ATOH8: variants seen among roughly 807,000 people sequenced by gnomAD.
ATOH8 encodes atonal bHLH transcription factor 8.
A neutral mutation model predicts 21.2 loss-of-function variants in ATOH8; 9 were observed. The observed-to-expected ratio is 0.42, with a 90% confidence interval of 0.26 to 0.74. The LOEUF is 0.74. Ranked by LOEUF, ATOH8 falls within the 30% of genes least tolerant of loss-of-function variation. ATOH8 has a pLI of 0.24. For missense variants in ATOH8, 524 were observed against 470.9 expected (o/e 1.11, Z -1.04); for synonymous variants, 253 against 224.0 (o/e 1.13, Z -1.16).
intron 2 of ATOH8, among the ~76,000 whole-genome samples, chr2:85,769,744 A>G (rs985350864): frequency 2.0e-5 from 3 of 152,136 alleles, no homozygotes; most frequent in Non-Finnish European, 2.9e-5. Context: ...GGCCTCGGAC[A>G]GGATCCCTGG....
chr2:85,763,945 T>A (rs766931280), intron 1 of ATOH8, 46 bp from the exon 2 acceptor site: 1 of 1,585,206 alleles, frequency 6.3e-7, no homozygotes, highest in African/African-American at 1.3e-5. Context: ...CCTGCCAGGC[T>A]GGGCACTGCG....
intron 2 of ATOH8, among the ~76,000 whole-genome samples, chr2:85,767,911 G>T (rs1680066947): frequency 6.6e-6 from 1 of 152,190 alleles, no homozygotes; most frequent in African/African-American, 2.4e-5. Flanking sequence ...CTTCCATCCA[G>T]ACCTGCTTTG....
Position 85,754,455 on chromosome 2 carries a change from G to T in ATOH8, c.266G>T (p.Gly89Val), listed in dbSNP as rs781504178. 1.3e-6 allele frequency: 2 copies of T among 1,503,246 alleles called. No individual in the cohort carries two copies. Among genetic ancestry groups the T allele is most frequent in the African/African-American group, 1.5e-5 (1 of 68,270 alleles). 93.1% of individuals were successfully genotyped at this position (1,503,246 alleles called of 1,614,324 possible). The change falls in exon 1 of 3, where the codon GGC (glycine) becomes GTC (valine). Residue 89 changes from glycine (G) to valine (V), a missense_variant. Transcript: ENST00000306279. ...PVAPAVPPRG[G>V]TDTAGERGGS... ...GCGCCGGCCGTTCCCCCAAGAGGGGGCACGGACACAGCCGGGGAGCGCGGG... is the reference window on the plus strand; with the variant it reads ...GCGCCGGCCGTTCCCCCAAGAGGGGTCACGGACACAGCCGGGGAGCGCGGG...
At chr2:85,768,686 C>T (rs1367717236) in intron 2 of ATOH8, among the ~76,000 whole-genome samples, 3 of 152,168 alleles carry the variant, frequency 2.0e-5, no homozygotes, top group Non-Finnish European at 4.4e-5. Context: ...TCCAGGTCAG[C>T]ATTAAGAATG....
rs1680695997 is a variant in ATOH8 at position 85,788,977 on chromosome 2, C to T, written c.*2087C>T. Among the ~76,000 whole-genome samples, 1 of 152,162 alleles carries T rather than the reference C, an allele frequency of 6.6e-6. No individual in the cohort carries two copies. The highest frequency in any genetic ancestry group is 2.4e-5 in the African/African-American group (1 of 41,420). The stretch of plus-strand genomic sequence containing the variant: ...AGGGTCTGTTAGGAAGGTTCAGCCA[C>T]CCTGTGAAGCTGGCACAGATAACAG... On this transcript the variant is annotated 3_prime_UTR_variant, in exon 3 of 3. Transcript: ENST00000306279.
In ATOH8 at chr2:85,766,353, G is replaced by A. The variant is rs1056100118; in HGVS notation, c.960+2171G>A. On this transcript the variant is annotated intron_variant, in intron 2 of 2. Coordinates refer to ENST00000306279, the MANE Select transcript of ATOH8 (RefSeq NM_032827.7). The surrounding 1 kb of genome is among the most constrained non-coding windows in gnomAD (Gnocchi z 4.0). ...ACCCTCCCTCCCCCACACCCAGCCC[G>A]GGCCTGAGGGCACTTCCTGCCTCCT... Among the ~76,000 whole-genome samples the A allele has an allele frequency of 6.6e-6, 1 of 151,836 alleles. No individual in the cohort carries two copies. The highest frequency in any genetic ancestry group is 1.5e-5 in the Non-Finnish European group (1 of 67,946).
At chr2:85,774,720 A>C in intron 2 of ATOH8, 2 of 985,484 alleles carry the variant, frequency 2.0e-6, no homozygotes, top group Non-Finnish European at 2.4e-6. Context: ...GGCCAGACTC[A>C]ATAGAACACC....
chr2:85,758,857 GGGTCAAAGGGAAAGGCT>G (rs575079506), intron 1 of ATOH8, among the ~76,000 whole-genome samples: 267 of 152,362 alleles, frequency 1.8e-3, no homozygotes, highest in Non-Finnish European at 2.6e-3. Context: ...CAGGTGGGAG[GGGTCAAAGGGAAAGGCT>G]GGCCTTGAGG....
chr2:85,776,144 C>T (rs1340402446), intron 2 of ATOH8, among the ~76,000 whole-genome samples: 6 of 152,298 alleles, frequency 3.9e-5, no homozygotes, highest in South Asian at 4.1e-4. Context: ...TGAGATGAGG[C>T]GAAGTCGCCC....
chr2:85,756,687 T>C (rs2104493701), intron 1 of ATOH8, among the ~76,000 whole-genome samples: 1 of 152,348 alleles, frequency 6.6e-6, no homozygotes, highest in South Asian at 2.1e-4. Context: ...TAACTCATTT[T>C]ATAGTATGGA....
chr2:85,790,944 A>G lies in ATOH8; in HGVS notation c.*4054A>G, dbSNP rs1469602371. 6.6e-6 allele frequency among the ~76,000 whole-genome samples: 1 copy of G among 152,156 alleles called. No homozygotes were observed. Among genetic ancestry groups the G allele is most frequent in the Non-Finnish European group, 1.5e-5 (1 of 68,008 alleles). ...CAAACAGCAAGACTCAGACATCTCC[A>G]AGGAAACCCTTTGAGTGGATCTGTA... On this transcript the variant is annotated 3_prime_UTR_variant, in exon 3 of 3. Transcript: ENST00000306279.
intron 1 of ATOH8, among the ~76,000 whole-genome samples, chr2:85,756,674 G>A (rs992589559): frequency 5.3e-5 from 8 of 152,140 alleles, no homozygotes; most frequent in African/African-American, 1.9e-4. Flanking sequence ...GTCGAAATTG[G>A]ATTAACTCAT....
intron 2 of ATOH8, chr2:85,774,824 A>G (rs1158021455): frequency 2.1e-6 from 2 of 972,950 alleles, no homozygotes; most frequent in East Asian, 1.1e-4. Context: ...CAAAGGGGCT[A>G]TTTTTGGCCT....
chr2:85,774,001 G>A (rs1478911410), intron 2 of ATOH8: 2 of 793,346 alleles, frequency 2.5e-6, no homozygotes, highest in African/African-American at 1.9e-5. Flanking sequence ...CCGTGCGGCC[G>A]GGTGCTCAAG....
At chr2:85,755,896 G>C (rs1453211407) in intron 1 of ATOH8, among the ~76,000 whole-genome samples, 1 of 151,860 alleles carries the variant, frequency 6.6e-6, no homozygotes, top group Admixed American at 6.5e-5. Context: ...GGTTTGAAGG[G>C]TGTTTTTTTT....
intron 2 of ATOH8, among the ~76,000 whole-genome samples, chr2:85,767,578 T>TTCC (rs1558611933): frequency 5.2e-4 from 47 of 90,048 alleles, no homozygotes; most frequent in Non-Finnish European, 6.0e-4. Context: ...TCCCCTCCCC[T>TTCC]CTCCTTCCCT....
intron 2 of ATOH8, among the ~76,000 whole-genome samples, chr2:85,768,128 C>G (rs1680072941): frequency 6.6e-6 from 1 of 152,168 alleles, no homozygotes; most frequent in African/African-American, 2.4e-5. Context: ...CACCTGACTT[C>G]AGGCCACTGT....
intron 2 of ATOH8, 102 bp from the exon 3 acceptor site, chr2:85,786,776 TGGGGGCC>T: frequency 6.5e-7 from 1 of 1,533,084 alleles, no homozygotes; most frequent in Non-Finnish European, 9.0e-7. Context: ...CCCTTCAAGG[TGGGGGCC>T]CCTCTGCCTG....
At chr2:85,775,064 A>G (rs764764313) in intron 2 of ATOH8, 7 of 971,284 alleles carry the variant, frequency 7.2e-6, no homozygotes, top group Non-Finnish European at 8.6e-6. Context: ...ATGAAACTCT[A>G]TTATGTGATA....
Sources: allele counts gnomAD v4.1 joint callset (sites outside exome capture counted in the v4.1 genomes callset), GRCh38; gene constraint gnomAD v4.1.1; non-coding constraint Gnocchi (gnomAD v3.1); transcripts MANE v1.5; gene names NCBI Gene and HGNC (gene_info 2026-07-23, HGNC 2026-07-21).